The following SLC4A8 variants were observed in gnomAD, a reference collection of about 807,000 sequenced individuals.
SLC4A8 encodes electroneutral sodium bicarbonate exchanger 1.
In SLC4A8, 40 loss-of-function variants were observed where a neutral mutation model predicts 125.0. The observed-to-expected ratio is 0.32, with a 90% CI of 0.25 to 0.42. The LOEUF (loss-of-function observed/expected upper bound fraction) is 0.42, where lower values mean the gene tolerates loss of function less well. Ranked by LOEUF, SLC4A8 falls within the 10% of genes least tolerant of loss-of-function variation. The pLI is 1.00. For missense variants in SLC4A8, 863 were observed against 1,355.1 expected (o/e 0.64, Z 5.70); for synonymous variants, 456 against 476.0 (o/e 0.96, Z 0.55).
At chr12:51,415,421 G>C (rs1948668531) in intron 1 of SLC4A8, among the ~76,000 whole-genome samples, 1 of 152,148 alleles carries the variant, frequency 6.6e-6, no homozygotes, top group Non-Finnish European at 1.5e-5. Context: ...CCTGGTATCT[G>C]TTACTGCTCT....
chr12:51,488,632 C>A, intron 17 of SLC4A8, 67 bp from the exon 18 acceptor site: 2 of 1,164,954 alleles, frequency 1.7e-6, no homozygotes, highest in South Asian at 1.9e-5. Flanking sequence ...TATTGTGATC[C>A]AGTTTGATAT....
chr12:51,469,682 C>G lies in SLC4A8; in HGVS notation c.1418C>G (p.Ala473Gly). ...TGGTACTGGAGCGACTACCGAGATGCACTCAGCTTACAGTGTTTGGCTTCC... is the reference window on the plus strand; with the variant it reads ...TGGTACTGGAGCGACTACCGAGATGGACTCAGCTTACAGTGTTTGGCTTCC... Reference protein sequence around the residue: ...APWYWSDYRDALSLQCLASFL... With the variant: ...APWYWSDYRDGLSLQCLASFL... The change falls in exon 12 of 25, where the codon GCA becomes GGA. Residue 473 changes from alanine (A) to glycine (G), a missense_variant. Ala to Gly is a moderately conservative substitution (Grantham distance 60, BLOSUM62 0). This residue lies in a region of SLC4A8 where 390 missense variants were observed against 634.4 expected (regional missense o/e 0.61). Coordinates refer to ENST00000453097, the MANE Select transcript of SLC4A8 (RefSeq NM_001039960.3). 2 of 1,614,028 alleles carry G rather than the reference C, an allele frequency of 1.2e-6. No homozygotes were observed. Among genetic ancestry groups the G allele is most frequent in the Non-Finnish European group, 1.7e-6 (2 of 1,179,974 alleles).
intron 1 of SLC4A8, among the ~76,000 whole-genome samples, chr12:51,434,740 G>C (rs955313975): frequency 2.0e-5 from 3 of 151,980 alleles, no homozygotes; most frequent in African/African-American, 7.2e-5. Flanking sequence ...TGTGGTGTCA[G>C]GTGTCTGAAG....
At position 51,463,656 on chromosome 12, in the gene SLC4A8, C is replaced by G. The variant is rs751141218; in HGVS notation, c.1291C>G (p.His431Asp). The stretch of plus-strand genomic sequence containing the variant: ...TGGAGTTCCAAATGGAAATGTTTGC[C>G]ACATAGAACAGGAACCACATGGGGG... ...MPGVPNGNVC[H>D]IEQEPHGGHS... Residue 431 changes from histidine to aspartate, a missense_variant, in exon 11 of 25, where the codon CAC (histidine) becomes GAC (aspartate). Physicochemically the swap from His to Asp is moderately conservative, Grantham distance 81. Coordinates refer to ENST00000453097, the MANE Select transcript of SLC4A8 (RefSeq NM_001039960.3). 1 of 1,614,022 alleles carries G rather than the reference C, an allele frequency of 6.2e-7. No individual in the cohort carries two copies. The highest frequency in any genetic ancestry group is 1.1e-5 in the South Asian group (1 of 91,078).
chr12:51,480,551 A>C, intron 16 of SLC4A8: 5 of 987,628 alleles, frequency 5.1e-6, no homozygotes, highest in Non-Finnish European at 6.0e-6. Context: ...TTCTTCCCGT[A>C]AATATCTTTT....
chr12:51,394,460 C>T (rs1463407927), intron 1 of SLC4A8, among the ~76,000 whole-genome samples: 1 of 152,236 alleles, frequency 6.6e-6, no homozygotes, highest in East Asian at 1.9e-4. Flanking sequence ...GGAAGGTTTG[C>T]AGATGAGCCA....
intron 2 of SLC4A8, among the ~76,000 whole-genome samples, chr12:51,447,476 T>G (rs1365716090): frequency 6.6e-6 from 1 of 152,104 alleles, no homozygotes; most frequent in African/African-American, 2.4e-5. Flanking sequence ...GCATCTGCAG[T>G]GCATCTTGAA....
At chr12:51,491,199 A>T (rs1951308510) in intron 19 of SLC4A8, among the ~76,000 whole-genome samples, 1 of 152,196 alleles carries the variant, frequency 6.6e-6, no homozygotes, top group East Asian at 1.9e-4. Flanking sequence ...CATCTAAGTG[A>T]AGAGGCTAGA....
Position 51,457,922 on chromosome 12 carries a change from A to T in SLC4A8, c.763+383A>T, listed in dbSNP as rs565647686. Reference sequence around the variant, plus strand: ...ACAGTAGAGTAGGCTCTGGAGTCAGACTTGTAGGCTTGTGATTGTGGCTTT... The same window carrying T: ...ACAGTAGAGTAGGCTCTGGAGTCAGTCTTGTAGGCTTGTGATTGTGGCTTT... On this transcript the variant is annotated intron_variant, in intron 6 of 24. Transcript: ENST00000453097. Among the ~76,000 whole-genome samples the T allele has an allele frequency of 1.3e-3, 197 of 152,304 alleles. 1 individual carries two copies. The highest frequency in any genetic ancestry group is 4.5e-3 in the African/African-American group (188 of 41,568).
chr12:51,481,956 A>C (rs1951042203), intron 16 of SLC4A8, among the ~76,000 whole-genome samples: 1 of 152,148 alleles, frequency 6.6e-6, no homozygotes, highest in Admixed American at 6.5e-5. Flanking sequence ...CTGCTCAAAA[A>C]CAAAACAAAA....
In SLC4A8 at chr12:51,435,634, A is replaced by G. The variant is rs941364780; in HGVS notation, c.49-5074A>G. Among the ~76,000 whole-genome samples the G allele has an allele frequency of 7.9e-5, 12 of 152,260 alleles. No individual in the cohort carries two copies. In the East Asian group the frequency reaches 1.9e-3, roughly 24 times the overall value. ...CTATTTTAAAAATAAATAAATAAAC[A>G]AATAAAATAAAAGTGACCTTATGAA... On this transcript the variant is annotated intron_variant, in intron 1 of 24. Coordinates refer to ENST00000453097, the MANE Select transcript of SLC4A8 (RefSeq NM_001039960.3).
At chr12:51,474,936 CCT>C (rs1418226088) in intron 15 of SLC4A8, 107 bp from the exon 16 acceptor site, 5 of 1,006,258 alleles carry the variant, frequency 5.0e-6, no homozygotes, top group Non-Finnish European at 7.4e-6. Context: ...CTGCTTGCAG[CCT>C]CTGCTCCCAA....
At chr12:51,456,092 C>G (rs1950142720) in intron 5 of SLC4A8, among the ~76,000 whole-genome samples, 1 of 152,012 alleles carries the variant, frequency 6.6e-6, no homozygotes, top group South Asian at 2.1e-4. Context: ...TAGGCTATTG[C>G]AGTAGTTCAG....
Position 51,457,402 on chromosome 12 carries a change from G to C in SLC4A8, c.626G>C (p.Arg209Thr), listed in dbSNP as rs781029037. ...ELSSDLNDSM[R>T]VKVREALLKK... is the part of the protein sequence containing the mutation. ...TCCAGTGACCTGAATGACAGCATGA[G>C]GGTTAAAGTGCGGGAAGCCCTTCTC... Residue 209 changes from arginine (R) to threonine (T), a missense_variant, in exon 6 of 25, where the codon AGG becomes ACG. Transcript: ENST00000453097. 6.2e-7 allele frequency: 1 copy of C among 1,613,892 alleles called. No homozygotes were observed. The highest frequency in any genetic ancestry group is 1.7e-5 in the Admixed American group (1 of 60,000).
At chr12:51,478,977 C>T (rs1190535257) in intron 16 of SLC4A8, among the ~76,000 whole-genome samples, 1 of 152,240 alleles carries the variant, frequency 6.6e-6, no homozygotes, top group Non-Finnish European at 1.5e-5. Context: ...CCTGCCATCT[C>T]TTTCCAATTA....
intron 5 of SLC4A8, among the ~76,000 whole-genome samples, chr12:51,454,378 T>G (rs1426845859): frequency 1.3e-5 from 2 of 149,412 alleles, no homozygotes; most frequent in Admixed American, 6.7e-5. Context: ...AGACAAAGTA[T>G]AGAGAAAGAA....
At chr12:51,499,617 A>G (rs1403654990) in intron 22 of SLC4A8, among the ~76,000 whole-genome samples, 1 of 134,606 alleles carries the variant, frequency 7.4e-6, no homozygotes, top group Non-Finnish European at 1.5e-5. Context: ...TTATAGTGCT[A>G]TAATTCTACA....
Position 51,471,273 on chromosome 12 carries a change from T to C in SLC4A8, c.1659-14T>C, listed in dbSNP as rs778065732. ...TCCATCCATGCGTTCTGATGAACTT[T>C]GGTCTTGTTTCAGAGACTATGCTCT... On this transcript the variant is annotated splice_polypyrimidine_tract_variant and intron_variant, in intron 13 of 24. Transcript: ENST00000453097. 5 of 1,605,836 alleles carry C rather than the reference T, an allele frequency of 3.1e-6. No individual in the cohort carries two copies. In the Admixed American group the frequency reaches 8.3e-5, roughly 27 times the overall value.
chr12:51,496,575 G>A (rs1253322105), intron 21 of SLC4A8, among the ~76,000 whole-genome samples: 1 of 152,198 alleles, frequency 6.6e-6, no homozygotes. Flanking sequence ...AAGGATCAGA[G>A]GGAATAAAGA....
Sources: gnomAD v4.1 joint callset for allele counts (sites outside exome capture counted in the v4.1 genomes callset) on GRCh38, gnomAD v4.1.1 for gene constraint, gnomAD v4.1.1 regional missense constraint, MANE v1.5 for transcripts, NCBI Gene and HGNC (gene_info 2026-07-23, HGNC 2026-07-21) for gene names.